The following NFIA variants were observed in gnomAD, a reference collection of about 807,000 sequenced individuals.
NFIA encodes the protein nuclear factor 1 A-type.
NFIA carries 8 observed loss-of-function variants against 62.8 expected under a neutral mutation model. That is an observed-to-expected ratio of 0.13 (90% CI 0.07 to 0.23). The LOEUF is 0.23. Ranked by LOEUF, NFIA falls within the 10% of genes least tolerant of loss-of-function variation. NFIA has a pLI of 1.00. For synonymous variants in NFIA, 235 were observed against 238.1 expected (o/e 0.99, Z 0.12); for missense variants, 410 against 642.1 (o/e 0.64, Z 3.91).
intron 2 of NFIA, among the ~76,000 whole-genome samples, chr1:61,160,805 G>T (rs922351243): frequency 2.6e-5 from 4 of 152,292 alleles, no homozygotes; most frequent in African/African-American, 7.2e-5. Context: ...TTGTCATCAT[G>T]ATATAGCACC....
At chr1:61,346,539 G>A (rs1662236517) in intron 4 of NFIA, among the ~76,000 whole-genome samples, 1 of 152,140 alleles carries the variant, frequency 6.6e-6, no homozygotes, top group Non-Finnish European at 1.5e-5. Flanking sequence ...GCCCTTTCAA[G>A]TGCACAATTG....
At chr1:61,215,900 T>C (rs150224248) in intron 2 of NFIA, among the ~76,000 whole-genome samples, 12 of 152,348 alleles carry the variant, frequency 7.9e-5, no homozygotes, top group African/African-American at 2.4e-4. Flanking sequence ...CATGAAAGTT[T>C]AGCGCATGCG....
At chr1:61,101,677 C>T (rs1646513157) in intron 2 of NFIA, among the ~76,000 whole-genome samples, 2 of 152,146 alleles carry the variant, frequency 1.3e-5, no homozygotes, top group African/African-American at 4.8e-5. Flanking sequence ...CCCTATTTTG[C>T]TCCTTCTTGG....
At chr1:61,089,841 T>C (rs753522418) in intron 2 of NFIA, among the ~76,000 whole-genome samples, 2 of 152,140 alleles carry the variant, frequency 1.3e-5, no homozygotes, top group South Asian at 4.1e-4. Flanking sequence ...TCTCAATATA[T>C]GTTTTAGAAA....
chr1:61,108,912 G>A (rs1206818562), intron 2 of NFIA, among the ~76,000 whole-genome samples: 1 of 151,682 alleles, frequency 6.6e-6, no homozygotes, highest in African/African-American at 2.4e-5. Context: ...AAAGAATGCA[G>A]TCATCTAAAA....
At position 61,125,495 on chromosome 1, in the gene NFIA, C is replaced by G. The variant is rs143022996; in HGVS notation, c.559+36815C>G. ...AACGACAAGGCTATCTGGAGAAGACCAAATGACTTGGCAGCCTAACAAATT... is the reference window on the plus strand; with the variant it reads ...AACGACAAGGCTATCTGGAGAAGACGAAATGACTTGGCAGCCTAACAAATT... On this transcript the variant is annotated intron_variant, in intron 2 of 10. Coordinates refer to ENST00000403491, the MANE Select transcript of NFIA (RefSeq NM_001134673.4). 6.7e-4 allele frequency among the ~76,000 whole-genome samples: 102 copies of G among 152,196 alleles called. 2 individuals are homozygous for G. The East Asian group carries it at 0.019, about 28-fold the overall frequency.
intron 6 of NFIA, 133 bp downstream of exon 6, chr1:61,359,407 G>T (rs1221385176): frequency 3.8e-6 from 5 of 1,300,702 alleles, no homozygotes; most frequent in East Asian, 5.0e-5. Flanking sequence ...GCACTTGTTT[G>T]TATTGTAATC....
chr1:61,201,574 C>T (rs1201154000), intron 2 of NFIA, among the ~76,000 whole-genome samples: 2 of 150,522 alleles, frequency 1.3e-5, no homozygotes, highest in African/African-American at 2.4e-5. Context: ...TGGGGGCCAT[C>T]AGGTGGTAAA....
At chr1:61,082,483 G>A (rs1284466747), upstream of NFIA, 7 of 1,098,320 alleles carry the variant, frequency 6.4e-6, no homozygotes, top group Non-Finnish European at 7.8e-6. Context: ...GCCGGCGCGG[G>A]AGCGGGAAAG....
At chr1:61,419,671 CA>C (rs1329898583) in intron 9 of NFIA, among the ~76,000 whole-genome samples, 1 of 152,180 alleles carries the variant, frequency 6.6e-6, no homozygotes, top group Non-Finnish European at 1.5e-5. Context: ...TTAATACAAA[CA>C]GAAATACTAA....
chr1:61,335,568 C>T (rs370088782), intron 4 of NFIA, among the ~76,000 whole-genome samples: 26 of 152,178 alleles, frequency 1.7e-4, no homozygotes, highest in Admixed American at 6.5e-4. Flanking sequence ...ACTGGCCAGG[C>T]GCGGTGGCTC....
chr1:61,264,135 C>T (rs934265699), intron 2 of NFIA, among the ~76,000 whole-genome samples: 1 of 152,166 alleles, frequency 6.6e-6, no homozygotes, highest in African/African-American at 2.4e-5. Context: ...CATAAACAAG[C>T]TTCCTCCTCC....
intron 6 of NFIA, among the ~76,000 whole-genome samples, chr1:61,368,487 T>C (rs1485387506): frequency 6.6e-6 from 1 of 152,234 alleles, no homozygotes; most frequent in Non-Finnish European, 1.5e-5. Context: ...TATTCTGCCA[T>C]GAGCAAGCCT....
intron 6 of NFIA, among the ~76,000 whole-genome samples, chr1:61,375,339 A>C (rs905231710): frequency 1.3e-5 from 2 of 152,150 alleles, no homozygotes; most frequent in Admixed American, 1.3e-4. Context: ...GACATGACTG[A>C]GCTGTCTGTT....
chr1:61,223,535 A>G (rs1319710657), intron 2 of NFIA, among the ~76,000 whole-genome samples: 1 of 152,082 alleles, frequency 6.6e-6, no homozygotes, highest in Non-Finnish European at 1.5e-5. Flanking sequence ...AAACTCCACA[A>G]ATTTTAACTT....
intron 2 of NFIA, chr1:61,251,220 C>T (rs748606612): frequency 6.6e-6 from 1 of 152,106 alleles, no homozygotes; most frequent in East Asian, 1.9e-4. Context: ...CACATGCATC[C>T]GTACAAATAA....
intron 2 of NFIA, among the ~76,000 whole-genome samples, chr1:61,237,926 T>C (rs1054903148): frequency 6.6e-6 from 1 of 152,224 alleles, no homozygotes; most frequent in Non-Finnish European, 1.5e-5. Flanking sequence ...ATTATTATTA[T>C]TGTTAGTATT....
intron 10 of NFIA, among the ~76,000 whole-genome samples, chr1:61,451,501 T>C (rs1313349415): frequency 1.3e-5 from 2 of 152,154 alleles, no homozygotes; most frequent in Non-Finnish European, 1.5e-5. Context: ...GGACTGCAGA[T>C]TTCTTTTGAT....
At chr1:61,120,864 T>C (rs915990785) in intron 2 of NFIA, among the ~76,000 whole-genome samples, 6 of 152,244 alleles carry the variant, frequency 3.9e-5, no homozygotes, top group Admixed American at 1.3e-4. Context: ...CTTTCAAGTT[T>C]ACAATTTCTC....
Sources: gnomAD v4.1 joint callset for allele counts (sites outside exome capture counted in the v4.1 genomes callset) on GRCh38, gnomAD v4.1.1 for gene constraint, MANE v1.5 for transcripts, NCBI Gene and HGNC (gene_info 2026-07-23, HGNC 2026-07-21) for gene names.